MYCBP2: variants seen among roughly 807,000 people sequenced by gnomAD.
The protein encoded by MYCBP2 is MYC binding protein 2, also known as E3 ubiquitin-protein ligase MYCBP2.
In MYCBP2, 120 loss-of-function variants were observed where a neutral mutation model predicts 525.3. The observed-to-expected ratio is 0.23, with a 90% confidence interval of 0.20 to 0.27. MYCBP2 has a LOEUF of 0.27. Ranked by LOEUF, MYCBP2 falls within the 10% of genes least tolerant of loss-of-function variation. The probability of loss-of-function intolerance (pLI) is 1.00; values close to 1 mark genes in which losing one functional copy is unlikely to be tolerated. For synonymous variants in MYCBP2, 1,894 were observed against 1,955.8 expected, an observed-to-expected ratio of 0.97 and a Z score of 0.83; for missense variants, 4,149 against 5,657.1, an observed-to-expected ratio of 0.73 and a Z score of 8.55.
chr13:77,211,491 G>A (rs896634114), intron 22 of MYCBP2, among the ~76,000 whole-genome samples, 171 bp from the exon 23 acceptor site: 1 of 152,074 alleles, frequency 6.6e-6, no homozygotes, highest in African/African-American at 2.4e-5. Flanking sequence ...ACCTCAAGAT[G>A]TCTAAATCCA....
Position 77,243,817 on chromosome 13 carries a change from T to C in MYCBP2, c.2516A>G (p.Asp839Gly), listed in dbSNP as rs779085033. The C allele has an allele frequency of 6.2e-7, 1 of 1,613,684 alleles. No homozygotes were observed. Among genetic ancestry groups the C allele is most frequent in the South Asian group, 1.1e-5 (1 of 91,028 alleles). ...TCAATCAAAATTACCTAAAAGAAGA[T>C]CTAAAGGTATCATTTCTTTCACTGC... Reference protein sequence around the residue: ...LDAVKEMIPLDLLLAVPVPGV... With the variant: ...LDAVKEMIPLGLLLAVPVPGV... The change falls in exon 16 of 83, where the codon GAT becomes GGT. Residue 839 changes from aspartate to glycine, a missense_variant. This residue lies in a region of MYCBP2 where 620 missense variants were observed against 795.5 expected (regional missense o/e 0.78). Transcript: ENST00000544440.
intron 4 of MYCBP2, among the ~76,000 whole-genome samples, chr13:77,275,250 A>G (rs758004707): frequency 1.3e-5 from 2 of 152,240 alleles, no homozygotes; most frequent in Non-Finnish European, 2.9e-5. Context: ...ATGTAATGAA[A>G]TAGAGAATGA....
At position 77,096,319 on chromosome 13, in the gene MYCBP2, C is replaced by T. The variant is rs2046254905; in HGVS notation, c.9947G>A (p.Arg3316Lys). 1.9e-6 allele frequency: 3 copies of T among 1,612,812 alleles called. No homozygotes were observed. The highest frequency in any genetic ancestry group is 1.3e-5 in the African/African-American group (1 of 74,800). Reference sequence around the variant, plus strand: ...CCAAATGGAATAAAATACCTTCTCCCTTGCAGCAGCCTGTTTTTCGCGGAG... The same window carrying T: ...CCAAATGGAATAAAATACCTTCTCCTTTGCAGCAGCCTGTTTTTCGCGGAG... ...KYLREKQAAAREKVKQSRRKP... is the reference protein window; with the variant it reads ...KYLREKQAAAKEKVKQSRRKP... Residue 3316 changes from arginine (R) to lysine (K), a missense_variant, in exon 57 of 83, where the codon AGG (arginine) becomes AAG (lysine). Around this residue, in one of 21 missense-constraint regions of MYCBP2, gnomAD observed 509 missense variants for 789.4 expected, o/e 0.64. Coordinates refer to ENST00000544440, the MANE Select transcript of MYCBP2 (RefSeq NM_015057.5).
intron 22 of MYCBP2, 74 bp from the exon 23 acceptor site, chr13:77,211,394 T>C (rs576289366): frequency 5.3e-6 from 4 of 750,344 alleles, no homozygotes; most frequent in Non-Finnish European, 7.1e-6. Flanking sequence ...CATAAAGTAG[T>C]ATTATCTCCA....
intron 59 of MYCBP2, 37 bp from the exon 60 acceptor site, chr13:77,090,300 A>G: frequency 6.5e-7 from 1 of 1,535,610 alleles, no homozygotes; most frequent in Non-Finnish European, 8.8e-7. Context: ...CAAACTCAGA[A>G]GAGCTGAATG....
intron 8 of MYCBP2, among the ~76,000 whole-genome samples, chr13:77,267,556 G>A (rs960425708): frequency 2.6e-5 from 4 of 152,230 alleles, no homozygotes; most frequent in Middle Eastern, 3.4e-3. Flanking sequence ...GAGCAACACA[G>A]TTACATCACC....
intron 17 of MYCBP2, among the ~76,000 whole-genome samples, chr13:77,234,184 GT>G (rs1476981132): frequency 6.6e-6 from 1 of 151,504 alleles, no homozygotes; most frequent in Non-Finnish European, 1.5e-5. Context: ...AAAATTTTAG[GT>G]TTTTTTCTTA....
chr13:77,223,342 A>T (rs1262293052), intron 20 of MYCBP2, among the ~76,000 whole-genome samples: 2 of 151,980 alleles, frequency 1.3e-5, no homozygotes, highest in Non-Finnish European at 2.9e-5. Flanking sequence ...TGGAACCTAG[A>T]CTCCTACCCG....
At chr13:77,118,590 G>A (rs1174493801) in intron 55 of MYCBP2, 1 of 670,010 alleles carries the variant, frequency 1.5e-6, no homozygotes, top group Non-Finnish European at 2.7e-6. Context: ...AGATAGAGTT[G>A]AACACTAAAT....
Position 77,074,961 on chromosome 13 carries a change from C to A in MYCBP2, c.11823+1790G>T, listed in dbSNP as rs192419939. ...TGGTGGCTCATATCTGTAATCTCAGCACTTTGGGAGGCCAATGCTGGCAGA... is the reference window on the plus strand; with the variant it reads ...TGGTGGCTCATATCTGTAATCTCAGAACTTTGGGAGGCCAATGCTGGCAGA... On this transcript the variant is annotated intron_variant, in intron 68 of 82. Transcript: ENST00000544440. Among the ~76,000 whole-genome samples, 5 of 152,286 alleles carry A rather than the reference C, an allele frequency of 3.3e-5. No individual in the cohort carries two copies. In the East Asian group the frequency reaches 9.7e-4, roughly 29 times the overall value.
At chr13:77,287,177 A>T (rs1363002298) in intron 3 of MYCBP2, among the ~76,000 whole-genome samples, 1 of 126,056 alleles carries the variant, frequency 7.9e-6, no homozygotes, top group Non-Finnish European at 1.6e-5. Context: ...GTGAGCCATT[A>T]CGCCCAGCCA....
At position 77,263,976 on chromosome 13, in the gene MYCBP2, A is replaced by C. The variant is rs1159825150; in HGVS notation, c.1384T>G (p.Leu462Val). Residue 462 changes from leucine to valine, a missense_variant, in exon 9 of 83, where the codon TTA becomes GTA. Transcript: ENST00000544440. ...TTAATATATTCTCCATCAGTGAATA[A>C]AATATTTTGACCTTCAGTGTGGCAA... ...PDCHTEGQNI[L>V]FTDGEYINQI... 3 of 1,612,682 alleles carry C rather than the reference A, an allele frequency of 1.9e-6. No individual in the cohort carries two copies. Among genetic ancestry groups the C allele is most frequent in the Non-Finnish European group, 2.5e-6 (3 of 1,179,108 alleles).
At chr13:77,167,396 G>A (rs1297644183) in intron 40 of MYCBP2, among the ~76,000 whole-genome samples, 2 of 152,124 alleles carry the variant, frequency 1.3e-5, no homozygotes, top group African/African-American at 4.8e-5. Context: ...AGGGGTGTCT[G>A]AAAGAACCAG....
intron 54 of MYCBP2, 67 bp from the exon 55 acceptor site, chr13:77,121,562 G>C (rs1312327767): frequency 1.5e-6 from 2 of 1,368,246 alleles, no homozygotes; most frequent in Non-Finnish European, 9.6e-7. Context: ...ACAACAAAGA[G>C]AGAAAATTGC....
chr13:77,273,445 T>G, intron 5 of MYCBP2, 27 bp downstream of exon 5: 1 of 1,534,506 alleles, frequency 6.5e-7, no homozygotes, highest in Non-Finnish European at 8.7e-7. Context: ...TCTTATAAAC[T>G]TCTAAGCAGA....
intron 54 of MYCBP2, among the ~76,000 whole-genome samples, chr13:77,125,073 A>C (rs551380886): frequency 2.6e-5 from 4 of 152,300 alleles, no homozygotes; most frequent in Admixed American, 6.5e-5. Context: ...ATATAAATTT[A>C]TATTAATGAA....
At chr13:77,149,508 G>T (rs975405072) in intron 47 of MYCBP2, among the ~76,000 whole-genome samples, 2 of 151,956 alleles carry the variant, frequency 1.3e-5, no homozygotes, top group African/African-American at 4.8e-5. Context: ...ACCATAGAAG[G>T]TATCATCTAT....
At chr13:77,237,808 T>C (rs73223416) in intron 17 of MYCBP2, among the ~76,000 whole-genome samples, 3,393 of 152,300 alleles carry the variant, frequency 0.022, 57 homozygotes, top group Middle Eastern at 0.075. Context: ...TGCTGATCTA[T>C]TTTTTCTTAC....
At chr13:77,144,296 T>C (rs1004963096) in intron 49 of MYCBP2, 149 bp downstream of exon 49, 8 of 619,532 alleles carry the variant, frequency 1.3e-5, no homozygotes, top group Non-Finnish European at 2.3e-5. Context: ...AATTAAATAC[T>C]CATTATGAAA....
Sources: allele counts gnomAD v4.1 joint callset (sites outside exome capture counted in the v4.1 genomes callset), GRCh38; gene constraint gnomAD v4.1.1; regional missense constraint gnomAD v4.1.1; transcripts MANE v1.5; gene names NCBI Gene and HGNC (gene_info 2026-07-23, HGNC 2026-07-21).